ACTN4: variants seen among roughly 807,000 people sequenced by gnomAD.
ACTN4 encodes alpha-actinin-4.
ACTN4 carries 18 observed loss-of-function variants against 114.2 expected under a neutral mutation model. The observed-to-expected ratio is 0.16, with a 90% CI of 0.11 to 0.23. The LOEUF is 0.23. Among genes scored for constraint, ACTN4 ranks in the 10% least tolerant of loss-of-function variants. The pLI is 1.00. For synonymous variants in ACTN4, 515 were observed against 506.3 expected, an observed-to-expected ratio of 1.02 and a Z score of -0.23; for missense variants, 722 against 1,262.9, an observed-to-expected ratio of 0.57 and a Z score of 6.49.
chr19:38,723,054 G>A (rs1466109071), intron 12 of ACTN4, among the ~76,000 whole-genome samples: 2 of 152,192 alleles, frequency 1.3e-5, no homozygotes, highest in Non-Finnish European at 1.5e-5. Context: ...ATGTGTACCA[G>A]CTCATTTAAT....
intron 6 of ACTN4, among the ~76,000 whole-genome samples, chr19:38,708,840 C>T (rs1226793814): frequency 6.6e-6 from 1 of 152,228 alleles, no homozygotes; most frequent in Non-Finnish European, 1.5e-5. Context: ...GGAGGGCTTC[C>T]TGGGGGAGGC....
chr19:38,702,963 G>T (rs1005173624), intron 3 of ACTN4, among the ~76,000 whole-genome samples: 1 of 152,138 alleles, frequency 6.6e-6, no homozygotes, highest in African/African-American at 2.4e-5. Context: ...ACTCACCCCT[G>T]TGCCCAGCCC....
At chr19:38,653,007 A>C (rs1425782986) in intron 1 of ACTN4, among the ~76,000 whole-genome samples, 1 of 150,438 alleles carries the variant, frequency 6.6e-6, no homozygotes, top group Non-Finnish European at 1.5e-5. Context: ...AATCGCTTGA[A>C]CCTGAGAGGT....
Position 38,729,448 on chromosome 19 carries a change from A to G in ACTN4, c.*16A>G. On this transcript the variant is annotated 3_prime_UTR_variant, in exon 21 of 21. Coordinates refer to ENST00000252699, the MANE Select transcript of ACTN4 (RefSeq NM_004924.6). ...CGACCTGTGAGGCCCCAGAGACCTG[A>G]CCCAACACCCCCGACGGCCTCCAGG... The G allele has an allele frequency of 6.2e-7, 1 of 1,604,516 alleles. No homozygotes were observed.
intron 20 of ACTN4, 29 bp downstream of exon 20, chr19:38,729,183 G>C: frequency 1.2e-6 from 2 of 1,612,836 alleles, no homozygotes; most frequent in Non-Finnish European, 1.7e-6. Flanking sequence ...AGGTGCATGG[G>C]GGCTGGCGAG....
chr19:38,655,081 C>G (rs1024460298), intron 1 of ACTN4, among the ~76,000 whole-genome samples: 1 of 152,152 alleles, frequency 6.6e-6, no homozygotes, highest in Admixed American at 6.5e-5. Flanking sequence ...AAACTGCAGC[C>G]ATTTGTGATT....
intron 1 of ACTN4, among the ~76,000 whole-genome samples, chr19:38,693,936 C>T (rs763597330): frequency 2.6e-5 from 4 of 152,222 alleles, no homozygotes; most frequent in Admixed American, 2.6e-4. Flanking sequence ...CTTCCACCCC[C>T]CTTCCCCGCA....
chr19:38,727,891 A>G lies in ACTN4; in HGVS notation c.2338-55A>G, dbSNP rs1327828533. 1 of 1,563,744 alleles carries G rather than the reference A, an allele frequency of 6.4e-7. No individual in the cohort carries two copies. Among genetic ancestry groups the G allele is most frequent in the Admixed American group, 1.7e-5 (1 of 58,786 alleles). On this transcript the variant is annotated intron_variant, in intron 18 of 20. Transcript: ENST00000252699. This position sits in a 1 kb window ranked among gnomAD's most constrained non-coding sequence, Gnocchi z 5.4. The stretch of plus-strand genomic sequence containing the variant: ...CCTCTGCATGTGACCCCGATCCCTC[A>G]TCCTGGTCTCCACGCCGCCCCTCCC...
At chr19:38,702,634 C>T (rs1312121648) in intron 3 of ACTN4, among the ~76,000 whole-genome samples, 1 of 152,194 alleles carries the variant, frequency 6.6e-6, no homozygotes, top group Admixed American at 6.5e-5. Context: ...GCTCGAGCTG[C>T]CTCGCTGCAC....
rs965589350 is a variant in ACTN4 at position 38,731,375 on chromosome 19, C to T, written c.*1943C>T. On this transcript the variant is annotated 3_prime_UTR_variant, in exon 21 of 21. Coordinates refer to ENST00000252699, the MANE Select transcript of ACTN4 (RefSeq NM_004924.6). ...CGGCAGGGTGAGTACAGGCTGATCC[C>T]TTCAATCCTCTGGGCCTGTTTCCTC... is the stretch of plus-strand genomic sequence containing the variant. 4 of 646,496 alleles carry T rather than the reference C, an allele frequency of 6.2e-6. No homozygotes were observed. The highest frequency in any genetic ancestry group is 8.4e-6 in the Non-Finnish European group (3 of 356,324). The allele number at this position is 646,496 out of a possible 1,614,324, so 40.0% of individuals were successfully genotyped here. A position where few individuals can be genotyped will look rare whatever the true frequency, so the allele number is the denominator to read the frequency against.
In ACTN4 at chr19:38,681,892, G is replaced by A. The variant is rs954213999; in HGVS notation, c.163-18708G>A. Among the ~76,000 whole-genome samples, 14 of 152,154 alleles carry A rather than the reference G, an allele frequency of 9.2e-5. No homozygotes were observed. In the East Asian group the frequency reaches 1.2e-3, roughly 13 times the overall value. Reference sequence around the variant, plus strand: ...GTTGGTCAGGCTGGAGTGCAGTAGCGCCATCTCGGCTTACTGCAGCCTCCG... The same window carrying A: ...GTTGGTCAGGCTGGAGTGCAGTAGCACCATCTCGGCTTACTGCAGCCTCCG... On this transcript the variant is annotated intron_variant, in intron 1 of 20. Coordinates refer to ENST00000252699, the MANE Select transcript of ACTN4 (RefSeq NM_004924.6).
intron 1 of ACTN4, among the ~76,000 whole-genome samples, chr19:38,690,316 C>T (rs1466800321): frequency 6.6e-6 from 1 of 152,254 alleles, no homozygotes; most frequent in Non-Finnish European, 1.5e-5. Flanking sequence ...GACTTCCACC[C>T]CTCCGGATCC....
chr19:38,677,347 T>C (rs531226040), intron 1 of ACTN4, among the ~76,000 whole-genome samples: 23 of 142,820 alleles, frequency 1.6e-4, no homozygotes, highest in Non-Finnish European at 3.2e-4. Flanking sequence ...TAAATAAATA[T>C]GTATTGAATG....
intron 1 of ACTN4, among the ~76,000 whole-genome samples, chr19:38,661,953 G>T (rs1839483175): frequency 6.6e-6 from 1 of 152,150 alleles, no homozygotes; most frequent in African/African-American, 2.4e-5. Flanking sequence ...CGCCCGGCCT[G>T]GCAGCCTGAT....
chr19:38,695,688 T>C (rs1231300552), intron 1 of ACTN4, among the ~76,000 whole-genome samples: 1 of 152,200 alleles, frequency 6.6e-6, no homozygotes, highest in Non-Finnish European at 1.5e-5. Context: ...CTCTGTCCCT[T>C]CTGCAGGAGG....
intron 3 of ACTN4, among the ~76,000 whole-genome samples, chr19:38,704,362 C>T (rs941828536): frequency 2.6e-5 from 4 of 152,192 alleles, no homozygotes; most frequent in Non-Finnish European, 5.9e-5. Context: ...GGGAAGGGTA[C>T]ATAGGAGGCA....
Position 38,730,637 on chromosome 19 carries a change from C to T in ACTN4, c.*1205C>T, listed in dbSNP as rs966244070. The T allele has an allele frequency of 8.0e-6, 5 of 624,242 alleles. No homozygotes were observed. Among genetic ancestry groups the T allele is most frequent in the Non-Finnish European group, 1.1e-5 (4 of 350,804 alleles). 38.7% of individuals were successfully genotyped at this position (624,242 alleles called of 1,614,324 possible). A position where few individuals can be genotyped will look rare whatever the true frequency, so the allele number is the denominator to read the frequency against. On this transcript the variant is annotated 3_prime_UTR_variant, in exon 21 of 21. Coordinates refer to ENST00000252699, the MANE Select transcript of ACTN4 (RefSeq NM_004924.6). Reference sequence around the variant, plus strand: ...CTTAAGCTGTCAACGTGGACTAGCTCGTGTCATCTGCTCGAGAAGGGCTGT... The same window carrying T: ...CTTAAGCTGTCAACGTGGACTAGCTTGTGTCATCTGCTCGAGAAGGGCTGT...
intron 1 of ACTN4, among the ~76,000 whole-genome samples, chr19:38,672,103 A>G (rs1369877796): frequency 6.6e-6 from 1 of 152,146 alleles, no homozygotes. Flanking sequence ...AGCGATTAGG[A>G]TGAGAGAGTT....
rs1025295734 is a variant in ACTN4 at position 38,714,513 on chromosome 19, C to T, written c.864C>T (p.Asn288=). 1 of 1,613,926 alleles carries T rather than the reference C, an allele frequency of 6.2e-7. No homozygotes were observed. The highest frequency in any genetic ancestry group is 1.3e-5 in the African/African-American group (1 of 75,044). The change falls in exon 9 of 21, where the codon AAC becomes AAT. Residue 288 remains asparagine (N), a synonymous_variant. Coordinates refer to ENST00000252699, the MANE Select transcript of ACTN4 (RefSeq NM_004924.6). The part of the protein sequence containing the change: ...ANRICKVLAV[N]QENEHLMEDY... ...GGATCTGTAAGGTGCTGGCTGTCAA[C>T]CAAGAGAACGAGCACCTGATGGAGG... is the stretch of plus-strand genomic sequence containing the variant.
Sources: allele counts gnomAD v4.1 joint callset (sites outside exome capture counted in the v4.1 genomes callset), GRCh38; gene constraint gnomAD v4.1.1; non-coding constraint Gnocchi (gnomAD v3.1); transcripts MANE v1.5; gene names NCBI Gene and HGNC (gene_info 2026-07-23, HGNC 2026-07-21).